The following MYO3B variants were observed in gnomAD, a reference collection of about 807,000 sequenced individuals.
MYO3B encodes the protein myosin IIIB.
In MYO3B, 156 loss-of-function variants were observed where a neutral mutation model predicts 174.6. The observed-to-expected ratio is 0.89, with a 90% CI of 0.78 to 1.02. The LOEUF (loss-of-function observed/expected upper bound fraction) is 1.02. MYO3B is among the 50% of genes least tolerant of loss of function. The probability of loss-of-function intolerance (pLI) is 0.00; values close to 1 mark genes in which losing one functional copy is unlikely to be tolerated. For synonymous variants in MYO3B, 563 were observed against 569.1 expected (o/e 0.99, Z 0.15); for missense variants, 1,632 against 1,639.4 (o/e 1.00, Z 0.08).
chr2:170,604,255 G>T (rs1206883435), intron 32 of MYO3B, among the ~76,000 whole-genome samples: 1 of 152,068 alleles, frequency 6.6e-6, no homozygotes, highest in African/African-American at 2.4e-5. Context: ...CACATTTGAG[G>T]GTTTTGTTTT....
chr2:170,549,271 T>A (rs1054512235), intron 32 of MYO3B, among the ~76,000 whole-genome samples: 14 of 152,098 alleles, frequency 9.2e-5, no homozygotes, highest in African/African-American at 2.2e-4. Context: ...CTACAGGGAG[T>A]ATACCTTAAT....
chr2:170,241,334 A>C (rs2093130772), intron 7 of MYO3B, among the ~76,000 whole-genome samples: 1 of 152,188 alleles, frequency 6.6e-6, no homozygotes, highest in Non-Finnish European at 1.5e-5. Context: ...GACCTAGTCT[A>C]AGGACTTAGG....
chr2:170,469,583 G>T (rs1684844904), intron 25 of MYO3B, among the ~76,000 whole-genome samples: 1 of 151,988 alleles, frequency 6.6e-6, no homozygotes, highest in African/African-American at 2.4e-5. Context: ...TCTCCTTTCT[G>T]TTCCTTCACT....
At chr2:170,428,399 T>G (rs2094682615) in intron 22 of MYO3B, among the ~76,000 whole-genome samples, 1 of 152,246 alleles carries the variant, frequency 6.6e-6, no homozygotes, top group Admixed American at 6.5e-5. Flanking sequence ...TTCCCCCACT[T>G]CAGGGGTCTT....
rs77926872 is a variant in MYO3B, at chr2:170,236,814, G to C, written c.749+678G>C. On this transcript the variant is annotated intron_variant, in intron 7 of 34. Coordinates refer to ENST00000408978, the MANE Select transcript of MYO3B (RefSeq NM_138995.5). The stretch of plus-strand genomic sequence containing the variant: ...CCTTCCCAACCAGGGTGCAGATTGA[G>C]AGATAATTTGTACCTTCCATATGTC... Among the ~76,000 whole-genome samples the C allele has an allele frequency of 2.0e-3, 307 of 152,336 alleles. 13 individuals carry two copies. The East Asian group carries it at 0.058, about 29-fold the overall frequency.
intron 32 of MYO3B, among the ~76,000 whole-genome samples, chr2:170,591,809 A>G (rs912762005): frequency 6.6e-6 from 1 of 152,258 alleles, no homozygotes; most frequent in Non-Finnish European, 1.5e-5. Context: ...ATGTATATAC[A>G]GAATGCACCA....
intron 32 of MYO3B, among the ~76,000 whole-genome samples, chr2:170,593,720 C>T (rs1478436279): frequency 6.6e-6 from 1 of 152,196 alleles, no homozygotes; most frequent in Admixed American, 6.5e-5. Context: ...TAAAAGAGAA[C>T]TGCACATCTT....
chr2:170,359,788 A>G (rs115123701), intron 8 of MYO3B, among the ~76,000 whole-genome samples: 2,808 of 152,278 alleles, frequency 0.018, 35 homozygotes, highest in Non-Finnish European at 0.032. Flanking sequence ...GCGCTATTCT[A>G]GTGCTTATAC....
At chr2:170,463,876 C>T (rs1393831221) in intron 24 of MYO3B, among the ~76,000 whole-genome samples, 1 of 152,162 alleles carries the variant, frequency 6.6e-6, no homozygotes, top group African/African-American at 2.4e-5. Flanking sequence ...GATACTTCAT[C>T]TAGTTAAATG....
chr2:170,249,818 G>A (rs866828416), intron 7 of MYO3B, among the ~76,000 whole-genome samples: 3 of 152,156 alleles, frequency 2.0e-5, no homozygotes, highest in African/African-American at 2.4e-5. Context: ...TATGGCAAAC[G>A]TCCTTGAGTT....
intron 32 of MYO3B, among the ~76,000 whole-genome samples, chr2:170,622,582 T>A (rs945104283): frequency 1.3e-5 from 2 of 150,942 alleles, no homozygotes; most frequent in Non-Finnish European, 2.9e-5. Flanking sequence ...CATTTTTTTT[T>A]ATTATTATAC....
chr2:170,585,444 G>A (rs1357407257), intron 32 of MYO3B, among the ~76,000 whole-genome samples: 1 of 152,058 alleles, frequency 6.6e-6, no homozygotes, highest in African/African-American at 2.4e-5. Context: ...AAAGCAACAT[G>A]GATGTGCTAC....
intron 8 of MYO3B, among the ~76,000 whole-genome samples, chr2:170,354,400 C>T (rs917237730): frequency 6.6e-6 from 1 of 152,152 alleles, no homozygotes; most frequent in Non-Finnish European, 1.5e-5. Context: ...TATTTTGTGA[C>T]AGTCATTCTG....
At chr2:170,441,482 A>T (rs1291110361) in intron 22 of MYO3B, among the ~76,000 whole-genome samples, 2 of 152,264 alleles carry the variant, frequency 1.3e-5, no homozygotes, top group African/African-American at 4.8e-5. Context: ...ATGAGTTCAT[A>T]GAGTAAAGTG....
intron 6 of MYO3B, among the ~76,000 whole-genome samples, chr2:170,221,804 C>T (rs1253596829): frequency 6.6e-6 from 1 of 152,170 alleles, no homozygotes; most frequent in Non-Finnish European, 1.5e-5. Context: ...TAAGCTCAAG[C>T]ATTCCTTCTG....
chr2:170,312,812 G>A (rs1166403982), intron 7 of MYO3B, among the ~76,000 whole-genome samples: 1 of 152,214 alleles, frequency 6.6e-6, no homozygotes, highest in South Asian at 2.1e-4. Context: ...AATTTTGGGG[G>A]CATGTTTCCC....
chr2:170,637,320 C>A (rs1283357019), intron 32 of MYO3B, among the ~76,000 whole-genome samples: 1 of 151,788 alleles, frequency 6.6e-6, no homozygotes, highest in South Asian at 2.1e-4. Context: ...TACAGGCATA[C>A]GCCACCAGGC....
At chr2:170,307,690 G>T (rs1482747593) in intron 7 of MYO3B, among the ~76,000 whole-genome samples, 1 of 152,190 alleles carries the variant, frequency 6.6e-6, no homozygotes, top group African/African-American at 2.4e-5. Flanking sequence ...CTTTATTGAG[G>T]CAGCAGTATT....
At chr2:170,416,844 G>A (rs1312123960) in intron 22 of MYO3B, among the ~76,000 whole-genome samples, 1 of 96,010 alleles carries the variant, frequency 1.0e-5, no homozygotes, top group African/African-American at 4.0e-5. Context: ...TTTTTTTTGA[G>A]ACGGAGTCTC....
Sources: allele counts gnomAD v4.1 joint callset (sites outside exome capture counted in the v4.1 genomes callset), GRCh38; gene constraint gnomAD v4.1.1; transcripts MANE v1.5; gene names NCBI Gene and HGNC (gene_info 2026-07-23, HGNC 2026-07-21).